IL23R: variants seen among roughly 807,000 people sequenced by gnomAD.
IL23R encodes interleukin 23 receptor, also known as interleukin-23 receptor.
Under a neutral mutation model 56.9 loss-of-function variants are expected in IL23R, and 34 were observed. The observed-to-expected ratio is 0.60, with a 90% CI of 0.45 to 0.80. The LOEUF (loss-of-function observed/expected upper bound fraction) is 0.80, where lower values mean the gene tolerates loss of function less well. IL23R is among the 30% of genes least tolerant of loss of function. IL23R has a pLI of 0.00. For missense variants in IL23R, 635 were observed against 730.0 expected (o/e 0.87, Z 1.50); for synonymous variants, 230 against 249.2 (o/e 0.92, Z 0.73).
At chr1:67,151,671 C>T (rs571907166) in intron 1 of IL23R, among the ~76,000 whole-genome samples, 1 of 152,308 alleles carries the variant, frequency 6.6e-6, no homozygotes, top group South Asian at 2.1e-4. Context: ...CTGTATATGG[C>T]TAGCCAGCTT....
At chr1:67,143,689 G>T (rs1203969461) in intron 1 of IL23R, among the ~76,000 whole-genome samples, 1 of 152,220 alleles carries the variant, frequency 6.6e-6, no homozygotes, top group African/African-American at 2.4e-5. Flanking sequence ...ACACTCCTGA[G>T]ACCAGAAACC....
chr1:67,182,912 T>C lies in IL23R; in HGVS notation c.444T>C (p.Ala148=). 1 of 1,614,126 alleles carries C rather than the reference T, an allele frequency of 6.2e-7. No homozygotes were observed. Among genetic ancestry groups the C allele is most frequent in the Non-Finnish European group, 8.5e-7 (1 of 1,179,964 alleles). The part of the protein sequence containing the change: ...YSGNMTCTWN[A]GKLTYIDTKY... ...GCAACATGACTTGCACCTGGAATGC[T>C]GGGAAGCTCACCTACATAGACACAA... The change falls in exon 4 of 11, where the codon GCT becomes GCC. Residue 148 remains alanine (A), a synonymous_variant. Transcript: ENST00000347310.
At chr1:67,174,295 GA>G (rs935871162) in intron 3 of IL23R, among the ~76,000 whole-genome samples, 5 of 151,430 alleles carry the variant, frequency 3.3e-5, no homozygotes, top group Non-Finnish European at 5.9e-5. Context: ...GGATTTCCAT[GA>G]GTCCACTCCA....
intron 6 of IL23R, among the ~76,000 whole-genome samples, chr1:67,212,889 T>A (rs1649588827): frequency 1.3e-5 from 2 of 151,736 alleles, no homozygotes. Context: ...TTTTTTTTCT[T>A]TTTAGACAGA....
At chr1:67,225,784 A>G (rs955879376) in intron 7 of IL23R, among the ~76,000 whole-genome samples, 3 of 151,790 alleles carry the variant, frequency 2.0e-5, no homozygotes, top group Non-Finnish European at 4.4e-5. Context: ...TGCTGGGATT[A>G]CAAGCACGAG....
chr1:67,143,436 G>A (rs1254064869), intron 1 of IL23R, among the ~76,000 whole-genome samples: 1 of 152,172 alleles, frequency 6.6e-6, no homozygotes, highest in Non-Finnish European at 1.5e-5. Flanking sequence ...GTGAAGCAAG[G>A]AAAGATGAAA....
chr1:67,174,783 A>G (rs1001648132), intron 3 of IL23R, among the ~76,000 whole-genome samples: 3 of 152,100 alleles, frequency 2.0e-5, no homozygotes, highest in African/African-American at 7.2e-5. Flanking sequence ...ACTCAATGTC[A>G]TCAGAACTCT....
intron 9 of IL23R, among the ~76,000 whole-genome samples, chr1:67,251,217 C>T (rs1652586235): frequency 6.6e-6 from 1 of 152,130 alleles, no homozygotes; most frequent in South Asian, 2.1e-4. Context: ...CTTTGGGAGG[C>T]CGAGCTAGGC....
rs1425314278 is a variant in IL23R, at chr1:67,212,738, G to T, written c.798+5683G>T. ...TTTAAAAATTTTTCTGTAGAGACAGGGTTGTGTCATGTTGCCCAGGCTAGT... is the reference window on the plus strand; with the variant it reads ...TTTAAAAATTTTTCTGTAGAGACAGTGTTGTGTCATGTTGCCCAGGCTAGT... On this transcript the variant is annotated intron_variant, in intron 6 of 10. Coordinates refer to ENST00000347310, the MANE Select transcript of IL23R (RefSeq NM_144701.3). Among the ~76,000 whole-genome samples the T allele has an allele frequency of 6.6e-5, 10 of 152,160 alleles. No homozygotes were observed. In the East Asian group the frequency reaches 1.2e-3, roughly 18 times the overall value.
upstream of IL23R, among the ~76,000 whole-genome samples, chr1:67,163,874 T>G (rs1294635928): frequency 3.9e-5 from 6 of 152,206 alleles, no homozygotes; most frequent in African/African-American, 4.8e-5. Context: ...TCTCAGTTAT[T>G]CCTGTATGGT....
rs754677847 is a variant in IL23R at position 67,169,547 on chromosome 1, T to C, written c.276T>C (p.Phe92=). The C allele has an allele frequency of 6.2e-7, 1 of 1,614,042 alleles. No individual in the cohort carries two copies. Among genetic ancestry groups the C allele is most frequent in the East Asian group, 2.2e-5 (1 of 44,878 alleles). The part of the protein sequence containing the change: ...KTTARLWYKN[F]LEPHASMYCT... ...CAGCTCGGCTTTGGTATAAAAACTTTCTGGAACCACATGCTTCTATGTACT... is the reference window on the plus strand; with the variant it reads ...CAGCTCGGCTTTGGTATAAAAACTTCCTGGAACCACATGCTTCTATGTACT... The change falls in exon 3 of 11, where the codon TTT becomes TTC. Residue 92 remains phenylalanine (F), a synonymous_variant. Coordinates refer to ENST00000347310, the MANE Select transcript of IL23R (RefSeq NM_144701.3).
intron 4 of IL23R, among the ~76,000 whole-genome samples, chr1:67,184,575 A>T (rs1488433066): frequency 3.1e-4 from 3 of 9,698 alleles, no homozygotes; most frequent in Non-Finnish European, 3.9e-4. Context: ...AAATAAATAA[A>T]ATAAAATAAA....
intron 6 of IL23R, among the ~76,000 whole-genome samples, chr1:67,215,214 G>A (rs186786699): frequency 5.0e-4 from 76 of 152,248 alleles, no homozygotes; most frequent in East Asian, 1.9e-3. Flanking sequence ...TCTGCGGCTC[G>A]TCCTGCTACA....
chr1:67,184,779 C>A (rs1307932780), intron 4 of IL23R, among the ~76,000 whole-genome samples: 2 of 152,024 alleles, frequency 1.3e-5, no homozygotes, highest in African/African-American at 2.4e-5. Context: ...CCTATACAAC[C>A]ATGTGAAGCC....
chr1:67,161,118 G>C (rs1646814570), intron 1 of IL23R, among the ~76,000 whole-genome samples: 1 of 152,090 alleles, frequency 6.6e-6, no homozygotes, highest in South Asian at 2.1e-4. Flanking sequence ...TGAGGCTCTA[G>C]GTCAATTTTG....
At chr1:67,203,417 T>G (rs1217626328) in intron 5 of IL23R, among the ~76,000 whole-genome samples, 1 of 152,104 alleles carries the variant, frequency 6.6e-6, no homozygotes, top group Non-Finnish European at 1.5e-5. Flanking sequence ...CAGACTGACT[T>G]CTCACACTGG....
rs1272667281 is a variant in IL23R, at chr1:67,218,356, G to GTATA, written c.799-1217_799-1216insATAT. The stretch of plus-strand genomic sequence containing the variant: ...TGTGTGTGTGTGTGTGTGTGTGTGT[G>GTATA]TGTATATATATATATATGTATGTAT... On this transcript the variant is annotated intron_variant, in intron 6 of 10. Transcript: ENST00000347310. 7.4e-3 allele frequency among the ~76,000 whole-genome samples: 1,010 copies of GTATA among 137,362 alleles called. 4 individuals are homozygous for GTATA. Among genetic ancestry groups the GTATA allele is most frequent in the Middle Eastern group, 0.015 (4 of 268 alleles). 90.1% of individuals were successfully genotyped at this position (137,362 alleles called of 152,430 possible).
intron 9 of IL23R, among the ~76,000 whole-genome samples, chr1:67,248,698 T>C (rs967145524): frequency 2.0e-5 from 3 of 152,070 alleles, no homozygotes; most frequent in African/African-American, 7.2e-5. Flanking sequence ...GGCATTCTGG[T>C]TTTTGGAAAT....
chr1:67,171,027 T>G (rs181950013), intron 3 of IL23R, among the ~76,000 whole-genome samples: 6 of 152,336 alleles, frequency 3.9e-5, no homozygotes, highest in Non-Finnish European at 7.4e-5. Context: ...TGCCCTAAAT[T>G]GTGGAAATTA....
Sources: gnomAD v4.1 joint callset for allele counts (sites outside exome capture counted in the v4.1 genomes callset) on GRCh38, gnomAD v4.1.1 for gene constraint, MANE v1.5 for transcripts, NCBI Gene and HGNC (gene_info 2026-07-23, HGNC 2026-07-21) for gene names.